GALNTL6: variants seen among roughly 807,000 people sequenced by gnomAD.
GALNTL6 encodes the protein polypeptide N-acetylgalactosaminyltransferase like 6.
GALNTL6 carries 46 observed loss-of-function variants against 73.7 expected under a neutral mutation model. The ratio of observed to expected loss-of-function variants is 0.62; its 90% CI spans 0.49 to 0.80. The LOEUF (loss-of-function observed/expected upper bound fraction) is 0.80. GALNTL6 is among the 30% of genes least tolerant of loss of function. The pLI is 0.00. For missense variants in GALNTL6, 604 were observed against 755.0 expected (o/e 0.80, Z 2.34); for synonymous variants, 259 against 263.7 (o/e 0.98, Z 0.17).
chr4:172,598,312 T>C (rs1483025465), intron 5 of GALNTL6, among the ~76,000 whole-genome samples: 2 of 152,166 alleles, frequency 1.3e-5, no homozygotes, highest in African/African-American at 2.4e-5. Context: ...TTTAGAAGTT[T>C]GAGGCGAGTG....
At chr4:172,394,428 CTT>C (rs201130774) in intron 5 of GALNTL6, among the ~76,000 whole-genome samples, 49 of 120,132 alleles carry the variant, frequency 4.1e-4, no homozygotes, top group Middle Eastern at 4.4e-3. Context: ...TCTTCTTCTT[CTT>C]TTTTTTTTTT....
At chr4:171,927,052 G>T (rs539345436) in intron 2 of GALNTL6, among the ~76,000 whole-genome samples, 1 of 151,912 alleles carries the variant, frequency 6.6e-6, no homozygotes, top group South Asian at 2.1e-4. Context: ...TGAGTGTTAA[G>T]GGGTGGTGAT....
At chr4:172,387,625 G>A (rs891649971) in intron 5 of GALNTL6, among the ~76,000 whole-genome samples, 1 of 152,026 alleles carries the variant, frequency 6.6e-6, no homozygotes, top group East Asian at 1.9e-4. Context: ...GGCTTTTTGA[G>A]TTTTTCTTAC....
chr4:172,399,214 ACT>A (rs1403656602), intron 5 of GALNTL6, among the ~76,000 whole-genome samples: 2 of 152,080 alleles, frequency 1.3e-5, no homozygotes, highest in Non-Finnish European at 2.9e-5. Context: ...CAATAAAATA[ACT>A]CTGCATGTAT....
At chr4:171,921,821 A>G (rs1350234154) in intron 2 of GALNTL6, among the ~76,000 whole-genome samples, 1 of 152,110 alleles carries the variant, frequency 6.6e-6, no homozygotes, top group African/African-American at 2.4e-5. Context: ...CTTCATTTAA[A>G]AAAAGTCCTG....
intron 7 of GALNTL6, among the ~76,000 whole-genome samples, chr4:172,831,270 A>G (rs998022220): frequency 3.3e-5 from 5 of 151,806 alleles, no homozygotes; most frequent in African/African-American, 1.2e-4. Context: ...TGGAAGCTGC[A>G]GCTAATGCAG....
At chr4:172,998,699 T>C (rs961372235) in intron 10 of GALNTL6, among the ~76,000 whole-genome samples, 1 of 152,128 alleles carries the variant, frequency 6.6e-6, no homozygotes, top group African/African-American at 2.4e-5. Flanking sequence ...TCTATGAAAT[T>C]TGACACTGCA....
At chr4:172,865,909 C>T (rs897989800) in intron 7 of GALNTL6, among the ~76,000 whole-genome samples, 2 of 152,150 alleles carry the variant, frequency 1.3e-5, no homozygotes, top group African/African-American at 2.4e-5. Context: ...TTTCCATGCC[C>T]GACTCTCAGT....
chr4:171,914,980 T>G (rs952161991), intron 2 of GALNTL6, among the ~76,000 whole-genome samples: 1 of 151,820 alleles, frequency 6.6e-6, no homozygotes, highest in African/African-American at 2.4e-5. Flanking sequence ...ATATAAATAT[T>G]TCTGTATCTA....
At chr4:172,965,145 C>A (rs894416895) in intron 10 of GALNTL6, among the ~76,000 whole-genome samples, 2 of 152,124 alleles carry the variant, frequency 1.3e-5, no homozygotes, top group African/African-American at 4.8e-5. Context: ...GTACACTATG[C>A]TAAGTCATCT....
chr4:172,387,985 T>G (rs1232465831), intron 5 of GALNTL6, among the ~76,000 whole-genome samples: 1 of 152,128 alleles, frequency 6.6e-6, no homozygotes, highest in Non-Finnish European at 1.5e-5. Flanking sequence ...AATGTACCTC[T>G]TTTAAAGCAG....
intron 10 of GALNTL6, among the ~76,000 whole-genome samples, chr4:172,965,519 C>T (rs1397146480): frequency 6.6e-6 from 1 of 151,832 alleles, no homozygotes; most frequent in African/African-American, 2.4e-5. Context: ...GGAGGCAGAG[C>T]TTGCAGTGAG....
At chr4:172,895,169 G>A (rs1490996800) in intron 8 of GALNTL6, among the ~76,000 whole-genome samples, 1 of 151,124 alleles carries the variant, frequency 6.6e-6, no homozygotes, top group African/African-American at 2.4e-5. Flanking sequence ...TTTAATTGGA[G>A]AATTTAATAA....
chr4:172,051,723 G>T (rs1305291498), intron 2 of GALNTL6, among the ~76,000 whole-genome samples: 1 of 152,170 alleles, frequency 6.6e-6, no homozygotes, highest in Admixed American at 6.5e-5. Flanking sequence ...CGGGCCAAAA[G>T]GCAACTTTTG....
chr4:172,365,088 G>A (rs1323154453), intron 5 of GALNTL6, among the ~76,000 whole-genome samples: 1 of 152,204 alleles, frequency 6.6e-6, no homozygotes. Context: ...GTTTATTTTG[G>A]AGAATAAATC....
rs187294355 is a variant in GALNTL6, at chr4:172,731,432, G to A, written c.554-77929G>A. 3.4e-4 allele frequency among the ~76,000 whole-genome samples: 51 copies of A among 151,932 alleles called. No homozygotes were observed. The East Asian group carries it at 5.0e-3, about 15-fold the overall frequency. On this transcript the variant is annotated intron_variant, in intron 5 of 12. Coordinates refer to ENST00000506823, the MANE Select transcript of GALNTL6 (RefSeq NM_001034845.3). ...TTATTTGCTGATTTTATTTATTTGC[G>A]TCTTCTCTCTTTTATTCTTAGTCTA...
chr4:172,880,469 G>A lies in GALNTL6; in HGVS notation c.924-2321G>A, dbSNP rs1469768379. Among the ~76,000 whole-genome samples the A allele has an allele frequency of 4.6e-5, 7 of 152,068 alleles. No individual in the cohort carries two copies. The East Asian group carries it at 7.7e-4, about 17-fold the overall frequency. ...TGTAGAAAATGCCAACTAATCTACA[G>A]TGACAGAAAGCAGATCAGTCATTGC... On this transcript the variant is annotated intron_variant, in intron 7 of 12. Transcript: ENST00000506823.
intron 2 of GALNTL6, among the ~76,000 whole-genome samples, chr4:171,941,481 C>A (rs571657804): frequency 6.6e-6 from 1 of 152,266 alleles, no homozygotes; most frequent in East Asian, 1.9e-4. Flanking sequence ...GAAGAAAATT[C>A]TTCTGTAACA....
At chr4:172,298,076 G>C (rs1178655826) in intron 3 of GALNTL6, among the ~76,000 whole-genome samples, 1 of 152,116 alleles carries the variant, frequency 6.6e-6, no homozygotes, top group East Asian at 1.9e-4. Context: ...CACATCCCTT[G>C]TAAGTTGGAT....
Sources: allele counts gnomAD v4.1 joint callset (sites outside exome capture counted in the v4.1 genomes callset), GRCh38; gene constraint gnomAD v4.1.1; transcripts MANE v1.5; gene names NCBI Gene and HGNC (gene_info 2026-07-23, HGNC 2026-07-21).